WRN: variants seen among roughly 807,000 people sequenced by gnomAD.
The protein encoded by WRN is bifunctional 3'-5' exonuclease/ATP-dependent helicase WRN.
A neutral mutation model predicts 180.7 loss-of-function variants in WRN; 149 were observed. The observed-to-expected ratio is 0.82, with a 90% CI of 0.72 to 0.94. WRN has a LOEUF of 0.94. WRN is among the 40% of genes least tolerant of loss of function. The probability of loss-of-function intolerance (pLI) is 0.00; values close to 1 mark genes in which losing one functional copy is unlikely to be tolerated. For synonymous variants in WRN, 548 were observed against 568.9 expected, an observed-to-expected ratio of 0.96 and a Z score of 0.52; for missense variants, 1,661 against 1,700.1, an observed-to-expected ratio of 0.98 and a Z score of 0.40.
intron 24 of WRN, among the ~76,000 whole-genome samples, chr8:31,136,774 C>A (rs559322862): frequency 1.3e-5 from 2 of 152,176 alleles, no homozygotes; most frequent in African/African-American, 4.8e-5. Flanking sequence ...GAATTCAGGA[C>A]TGCAGTGAGC....
At chr8:31,083,662 T>C (rs1813409180) in intron 9 of WRN, 37 bp from the exon 10 acceptor site, 3 of 1,551,728 alleles carry the variant, frequency 1.9e-6, no homozygotes, top group Admixed American at 1.7e-5. Context: ...ATGAAGTCAA[T>C]TATATTGGAA....
At chr8:31,084,313 T>C (rs1366057244) in intron 10 of WRN, among the ~76,000 whole-genome samples, 1 of 152,202 alleles carries the variant, frequency 6.6e-6, no homozygotes, top group Non-Finnish European at 1.5e-5. Context: ...ATTTCATGAT[T>C]TGACTGACAT....
intron 21 of WRN, among the ~76,000 whole-genome samples, 157 bp from the exon 22 acceptor site, chr8:31,124,365 C>T (rs538566152): frequency 6.6e-6 from 1 of 151,384 alleles, no homozygotes; most frequent in African/African-American, 2.4e-5. Flanking sequence ...GAAAGGAATA[C>T]AACAGAACTT....
intron 13 of WRN, among the ~76,000 whole-genome samples, chr8:31,089,685 C>T (rs1327046154): frequency 6.6e-6 from 1 of 151,962 alleles, no homozygotes; most frequent in Non-Finnish European, 1.5e-5. Flanking sequence ...TCAGTAACAG[C>T]ATGCCAGAAG....
At chr8:31,105,529 T>G (rs2130254635) in intron 18 of WRN, among the ~76,000 whole-genome samples, 1 of 152,334 alleles carries the variant, frequency 6.6e-6, no homozygotes, top group South Asian at 2.1e-4. Flanking sequence ...TGGCGTGAAC[T>G]CACCTTACTG....
At position 31,157,410 on chromosome 8, in the gene WRN, G is replaced by A. The variant is rs765259410; in HGVS notation, c.3862G>A (p.Gly1288Ser). Reference protein sequence around the residue: ...ESRILPLMTIGMHLSQAVKAG... With the variant: ...ESRILPLMTISMHLSQAVKAG... ...CAGGATTCTGCCTCTCATGACAATTGGCATGCACTTATCCCAAGCGGTGAA... is the reference window on the plus strand; with the variant it reads ...CAGGATTCTGCCTCTCATGACAATTAGCATGCACTTATCCCAAGCGGTGAA... Residue 1288 changes from glycine to serine, a missense_variant, in exon 33 of 35, where the codon GGC becomes AGC. This residue lies in a region of WRN where 1,141 missense variants were observed against 1,149.4 expected (regional missense o/e 0.99). Transcript: ENST00000298139. The A allele has an allele frequency of 1.2e-5, 19 of 1,614,020 alleles. No individual in the cohort carries two copies. Among genetic ancestry groups the A allele is most frequent in the South Asian group, 9.9e-5 (9 of 91,068 alleles).
rs11574301 is a variant in WRN, at chr8:31,115,878, T to C, written c.2274-476T>C. On this transcript the variant is annotated intron_variant, in intron 19 of 34. Coordinates refer to ENST00000298139, the MANE Select transcript of WRN (RefSeq NM_000553.6). Reference sequence around the variant, plus strand: ...ACTTCTTTGAACTGTAAAAGCAATCTTTCAATATTATAAGAAAGCTCTTGC... The same window carrying C: ...ACTTCTTTGAACTGTAAAAGCAATCCTTCAATATTATAAGAAAGCTCTTGC... 1.1e-3 allele frequency among the ~76,000 whole-genome samples: 164 copies of C among 152,300 alleles called. 1 individual carries two copies. Among genetic ancestry groups the C allele is most frequent in the African/African-American group, 3.8e-3 (156 of 41,586 alleles).
At chr8:31,063,518 T>C (rs1397654076) in intron 3 of WRN, among the ~76,000 whole-genome samples, 1 of 152,230 alleles carries the variant, frequency 6.6e-6, no homozygotes, top group East Asian at 1.9e-4. Flanking sequence ...CAACTAGATA[T>C]TGTCGTTGTC....
chr8:31,173,295 A>G lies in WRN; in HGVS notation c.*193A>G. 1 of 601,228 alleles carries G rather than the reference A, an allele frequency of 1.7e-6. No individual in the cohort carries two copies. Among genetic ancestry groups the G allele is most frequent in the South Asian group, 2.0e-5 (1 of 50,792 alleles). The allele number at this position is 601,228 out of a possible 1,614,324, so 37.2% of individuals were successfully genotyped here. Reference sequence around the variant, plus strand: ...TAGTTTCTGGGTCTTCTGGGAGCCTACGTGAGTACATCACCTAACAGAATA... The same window carrying G: ...TAGTTTCTGGGTCTTCTGGGAGCCTGCGTGAGTACATCACCTAACAGAATA... On this transcript the variant is annotated 3_prime_UTR_variant, in exon 35 of 35. Coordinates refer to ENST00000298139, the MANE Select transcript of WRN (RefSeq NM_000553.6).
At chr8:31,090,639 T>G in intron 14 of WRN, 107 bp downstream of exon 14, 1 of 1,219,242 alleles carries the variant, frequency 8.2e-7, no homozygotes, top group Non-Finnish European at 1.2e-6. Flanking sequence ...CAACTACAAA[T>G]GATGTAAACT....
intron 18 of WRN, among the ~76,000 whole-genome samples, chr8:31,104,293 G>A (rs1014159378): frequency 6.6e-6 from 1 of 151,998 alleles, no homozygotes; most frequent in Non-Finnish European, 1.5e-5. Flanking sequence ...CTTTTAATTT[G>A]CATTTCTCTC....
chr8:31,081,003 G>A lies in WRN; in HGVS notation c.976G>A (p.Gly326Arg). 6.2e-7 allele frequency: 1 copy of A among 1,613,956 alleles called. No individual in the cohort carries two copies. The highest frequency in any genetic ancestry group is 8.5e-7 in the Non-Finnish European group (1 of 1,179,940). The change falls in exon 9 of 35, where the codon GGG (glycine) becomes AGG (arginine). Residue 326 changes from glycine (G) to arginine (R), a missense_variant. Coordinates refer to ENST00000298139, the MANE Select transcript of WRN (RefSeq NM_000553.6). ...ATTATCCTTTGAAGATTCAACTACTGGGGGAGTACAACAGAAACAAATTAG... is the reference window on the plus strand; with the variant it reads ...ATTATCCTTTGAAGATTCAACTACTAGGGGAGTACAACAGAAACAAATTAG... ...NLLSFEDSTT[G>R]GVQQKQIREH...
intron 5 of WRN, among the ~76,000 whole-genome samples, chr8:31,065,712 G>A (rs1417266451): frequency 6.6e-6 from 1 of 152,106 alleles, no homozygotes; most frequent in African/African-American, 2.4e-5. Context: ...ATGCGTGCAT[G>A]TGTCTTTGTA....
intron 3 of WRN, among the ~76,000 whole-genome samples, chr8:31,062,277 T>C (rs1322315742): frequency 2.0e-5 from 3 of 152,204 alleles, no homozygotes; most frequent in African/African-American, 4.8e-5. Context: ...AAGCAGAAGC[T>C]GAGTTTCTTT....
chr8:31,095,702 G>A (rs1350679955), intron 16 of WRN, among the ~76,000 whole-genome samples: 5 of 152,080 alleles, frequency 3.3e-5, no homozygotes, highest in Non-Finnish European at 5.9e-5. Context: ...ACATATATGT[G>A]GGTCTATTGC....
At position 31,173,077 on chromosome 8, in the gene WRN, C is replaced by A. The variant is rs143771120; in HGVS notation, c.4274C>A (p.Thr1425Lys). ...ACCAGCAAGAAATTAATGGACAAAA[C>A]GAAAAGGGGAGGTCTTTTTAGTTAA... Reference protein sequence around the residue: ...SDTSKKLMDKTKRGGLFS With the variant: ...SDTSKKLMDKKKRGGLFS Residue 1425 changes from threonine to lysine, a missense_variant, in exon 35 of 35, where the codon ACG (threonine) becomes AAG (lysine). This residue lies in a region of WRN where 1,141 missense variants were observed against 1,149.4 expected (regional missense o/e 0.99). Coordinates refer to ENST00000298139, the MANE Select transcript of WRN (RefSeq NM_000553.6). The A allele has an allele frequency of 6.2e-7, 1 of 1,613,838 alleles. No individual in the cohort carries two copies. The highest frequency in any genetic ancestry group is 8.5e-7 in the Non-Finnish European group (1 of 1,179,898).
chr8:31,092,024 G>T, intron 16 of WRN, 126 bp downstream of exon 16: 2 of 863,910 alleles, frequency 2.3e-6, no homozygotes, highest in East Asian at 5.3e-5. Context: ...CTAATCATGT[G>T]GTCAGATGTC....
In WRN at chr8:31,172,305, G is replaced by A. The variant is rs75557453; in HGVS notation, c.4192-690G>A. Among the ~76,000 whole-genome samples, 1,203 of 152,146 alleles carry A rather than the reference G, an allele frequency of 7.9e-3. 18 individuals carry two copies. The highest frequency in any genetic ancestry group is 0.028 in the African/African-American group (1,158 of 41,504). ...TTGCAGGCGTGAGCCACCTCACCCA[G>A]CCTTAAATTATTTTTTTTTCAAGGA... On this transcript the variant is annotated intron_variant, in intron 34 of 34. Transcript: ENST00000298139.
chr8:31,085,257 A>C lies in WRN; in HGVS notation c.1431+11A>C, dbSNP rs750765011. The C allele has an allele frequency of 1.2e-6, 2 of 1,612,540 alleles. No homozygotes were observed. Among genetic ancestry groups the C allele is most frequent in the South Asian group, 2.2e-5 (2 of 91,026 alleles). On this transcript the variant is annotated intron_variant, in intron 11 of 34. Coordinates refer to ENST00000298139, the MANE Select transcript of WRN (RefSeq NM_000553.6). ...ATGGAGATGCTTAAGGTATGTTTACAATTATAAAAACATTACTTCAAGTTC... is the reference window on the plus strand; with the variant it reads ...ATGGAGATGCTTAAGGTATGTTTACCATTATAAAAACATTACTTCAAGTTC...
Sources: gnomAD v4.1 joint callset for allele counts (sites outside exome capture counted in the v4.1 genomes callset) on GRCh38, gnomAD v4.1.1 for gene constraint, gnomAD v4.1.1 regional missense constraint, MANE v1.5 for transcripts, NCBI Gene and HGNC (gene_info 2026-07-23, HGNC 2026-07-21) for gene names.